MYO10: variants seen among roughly 807,000 people sequenced by gnomAD.
MYO10 encodes unconventional myosin-X.
A neutral mutation model predicts 257.3 loss-of-function variants in MYO10; 133 were observed. The observed-to-expected ratio is 0.52, with a 90% CI of 0.45 to 0.60. The LOEUF (loss-of-function observed/expected upper bound fraction) is 0.60, where lower values mean the gene tolerates loss of function less well. Among genes scored for constraint, MYO10 ranks in the 20% least tolerant of loss-of-function variants. The probability of loss-of-function intolerance (pLI) is 0.00; values close to 1 mark genes in which losing one functional copy is unlikely to be tolerated. For missense variants in MYO10, 2,399 were observed against 2,635.7 expected, an observed-to-expected ratio of 0.91 and a Z score of 1.97; for synonymous variants, 1,104 against 1,028.6, an observed-to-expected ratio of 1.07 and a Z score of -1.40.
intron 19 of MYO10, among the ~76,000 whole-genome samples, chr5:16,727,146 G>C (rs1036759195): frequency 2.1e-4 from 32 of 151,882 alleles, no homozygotes; most frequent in African/African-American, 7.3e-4. Flanking sequence ...TAACATTTTG[G>C]ATATAGTAAA....
Position 16,734,878 on chromosome 5 carries a change from C to T in MYO10, c.1929+19950G>A, listed in dbSNP as rs189094902. 7.9e-5 allele frequency among the ~76,000 whole-genome samples: 12 copies of T among 152,200 alleles called. No individual in the cohort carries two copies. In the East Asian group the frequency reaches 1.4e-3, roughly 17 times the overall value. The stretch of plus-strand genomic sequence containing the variant: ...TATGACTGCTGTTTATCAGCCACCA[C>T]GGCCATCAGTGGTGTCTCCGTCCGT... On this transcript the variant is annotated intron_variant, in intron 19 of 40. Transcript: ENST00000513610.
chr5:16,732,487 T>A (rs1739624292), intron 19 of MYO10, among the ~76,000 whole-genome samples: 1 of 152,224 alleles, frequency 6.6e-6, no homozygotes, highest in African/African-American at 2.4e-5. Context: ...TACTTCTCTG[T>A]CCACCATATT....
rs369205744 is a variant in MYO10 at position 16,666,714 on chromosome 5, C to G, written c.6155G>C (p.Ser2052Thr). ...KKRYSTTRSASSQGSSR is the reference protein window; with the variant it reads ...KKRYSTTRSATSQGSSR Reference sequence around the variant, plus strand: ...CCTTCACCTGGAGCTGCCCTGGCTGCTGGCGGAGCGTGTCGTGCTGTAGCG... The same window carrying G: ...CCTTCACCTGGAGCTGCCCTGGCTGGTGGCGGAGCGTGTCGTGCTGTAGCG... Residue 2052 changes from serine to threonine, a missense_variant, in exon 41 of 41, where the codon AGC becomes ACC. Coordinates refer to ENST00000513610, the MANE Select transcript of MYO10 (RefSeq NM_012334.3). The G allele has an allele frequency of 2.5e-6, 4 of 1,605,162 alleles. No individual in the cohort carries two copies. Among genetic ancestry groups the G allele is most frequent in the Non-Finnish European group, 3.4e-6 (4 of 1,177,508 alleles).
chr5:16,893,286 A>G (rs1395597558), intron 1 of MYO10, among the ~76,000 whole-genome samples: 2 of 151,900 alleles, frequency 1.3e-5, no homozygotes, highest in Middle Eastern at 3.2e-3. Flanking sequence ...AAACATTTAA[A>G]TGACATAAAT....
rs753539073 is a variant in MYO10, at chr5:16,762,116, A to T, written c.1588-3T>A. On this transcript the variant is annotated splice_region_variant and splice_polypyrimidine_tract_variant and intron_variant, in intron 15 of 40. Transcript: ENST00000513610. Reference sequence around the variant, plus strand: ...GGCTTCACATAAAAGTGGTTATTCTAAAAAAAAAAAAAAAAAAAAAAAAAA... The same window carrying T: ...GGCTTCACATAAAAGTGGTTATTCTTAAAAAAAAAAAAAAAAAAAAAAAAA... 16 of 354,328 alleles carry T rather than the reference A, an allele frequency of 4.5e-5. No homozygotes were observed. Among genetic ancestry groups the T allele is most frequent in the Non-Finnish European group, 5.3e-5 (15 of 281,622 alleles). 21.9% of individuals were successfully genotyped at this position (354,328 alleles called of 1,614,324 possible).
chr5:16,845,034 T>C (rs1312974825), intron 2 of MYO10, among the ~76,000 whole-genome samples: 7 of 152,098 alleles, frequency 4.6e-5, no homozygotes, highest in Admixed American at 3.3e-4. Flanking sequence ...AAGCCTACAA[T>C]TGACACTTTA....
At chr5:16,736,394 A>T (rs564422804) in intron 19 of MYO10, among the ~76,000 whole-genome samples, 1 of 152,202 alleles carries the variant, frequency 6.6e-6, no homozygotes, top group African/African-American at 2.4e-5. Context: ...CCATCTGCTG[A>T]TGCAACAGCG....
chr5:16,712,452 C>T (rs1439949613), intron 19 of MYO10, among the ~76,000 whole-genome samples: 1 of 152,126 alleles, frequency 6.6e-6, no homozygotes, highest in African/African-American at 2.4e-5. Flanking sequence ...CACCCGTGTT[C>T]CCTTTAATTA....
chr5:16,711,223 G>T lies in MYO10; in HGVS notation c.1952C>A (p.Ala651Glu), dbSNP rs78931743. 261 of 1,612,020 alleles carry T rather than the reference G, an allele frequency of 1.6e-4. No homozygotes were observed. In the African/African-American group the frequency reaches 3.3e-3, roughly 20 times the overall value. Residue 651 changes from alanine (A) to glutamate (E), a missense_variant, in exon 20 of 41, where the codon GCG becomes GAG. This residue lies in a region of MYO10 where 1,820 missense variants were observed against 1,939.4 expected (regional missense o/e 0.94). Coordinates refer to ENST00000513610, the MANE Select transcript of MYO10 (RefSeq NM_012334.3). Reference sequence around the variant, plus strand: ...GTACCGCAGCTGGTTCAGCACAACCGCCTGGTCAAACTGGTCTGGCATCTA... The same window carrying T: ...GTACCGCAGCTGGTTCAGCACAACCTCCTGGTCAAACTGGTCTGGCATCTA... ...MQKMPDQFDQ[A>E]VVLNQLRYSG...
intron 25 of MYO10, 109 bp downstream of exon 25, chr5:16,700,854 C>G (rs542514249): frequency 1.8e-5 from 24 of 1,302,546 alleles, no homozygotes; most frequent in Non-Finnish European, 2.5e-5. Flanking sequence ...CACGACTCTG[C>G]AATCTTTGCA....
intron 19 of MYO10, among the ~76,000 whole-genome samples, chr5:16,740,337 C>T (rs1579935582): frequency 6.6e-6 from 1 of 151,322 alleles, no homozygotes; most frequent in South Asian, 2.1e-4. Flanking sequence ...TTCAGGGCGG[C>T]TAATGCTTAG....
At chr5:16,807,260 A>T (rs1742305288) in intron 3 of MYO10, among the ~76,000 whole-genome samples, 1 of 152,182 alleles carries the variant, frequency 6.6e-6, no homozygotes, top group Admixed American at 6.5e-5. Context: ...GCTCAAGCTC[A>T]ACAGACATGG....
rs530395417 is a variant in MYO10, at chr5:16,914,796, G to C, written c.21+20992C>G. On this transcript the variant is annotated intron_variant, in intron 1 of 40. Transcript: ENST00000513610. ...GCCGTGAGAGCAGTGATAAGCTCTT[G>C]AGACATCAACTTGTAAGAGAAGAAA... is the stretch of plus-strand genomic sequence containing the variant. 9.2e-5 allele frequency among the ~76,000 whole-genome samples: 14 copies of C among 152,334 alleles called. No homozygotes were observed. In the South Asian group the frequency reaches 1.9e-3, roughly 20 times the overall value.
intron 1 of MYO10, among the ~76,000 whole-genome samples, chr5:16,879,742 CAG>C (rs1744705473): frequency 6.6e-6 from 1 of 152,204 alleles, no homozygotes; most frequent in Non-Finnish European, 1.5e-5. Flanking sequence ...TCTAACAACA[CAG>C]AGTCACCTTA....
At chr5:16,881,649 GA>G (rs779001823) in intron 1 of MYO10, among the ~76,000 whole-genome samples, 3 of 152,178 alleles carry the variant, frequency 2.0e-5, no homozygotes, top group Non-Finnish European at 4.4e-5. Flanking sequence ...CATAGAATCG[GA>G]ATTGCAAAGT....
intron 27 of MYO10, among the ~76,000 whole-genome samples, chr5:16,693,211 T>A (rs745401972): frequency 6.6e-5 from 10 of 152,136 alleles, no homozygotes; most frequent in Non-Finnish European, 1.2e-4. Context: ...GAGGCTGCAG[T>A]GAGCCGAGAT....
At chr5:16,698,021 G>C (rs1000688543) in intron 26 of MYO10, among the ~76,000 whole-genome samples, 5 of 152,176 alleles carry the variant, frequency 3.3e-5, no homozygotes, top group African/African-American at 9.7e-5. Context: ...ACTGAGTTAC[G>C]AGTCAGAGTC....
At chr5:16,928,962 T>G (rs1327236654) in intron 1 of MYO10, among the ~76,000 whole-genome samples, 2 of 149,836 alleles carry the variant, frequency 1.3e-5, no homozygotes, top group Admixed American at 6.7e-5. Flanking sequence ...TTTTTTTTGG[T>G]TTTTTTTTGA....
intron 2 of MYO10, among the ~76,000 whole-genome samples, chr5:16,851,868 T>C (rs1743812914): frequency 6.6e-6 from 1 of 151,404 alleles, no homozygotes; most frequent in South Asian, 2.1e-4. Flanking sequence ...CTGGCCAACA[T>C]GATGAAACCC....
Sources: allele counts gnomAD v4.1 joint callset (sites outside exome capture counted in the v4.1 genomes callset), GRCh38; gene constraint gnomAD v4.1.1; regional missense constraint gnomAD v4.1.1; transcripts MANE v1.5; gene names NCBI Gene and HGNC (gene_info 2026-07-23, HGNC 2026-07-21).